ST3GAL6: variants seen among roughly 807,000 people sequenced by gnomAD.
ST3GAL6 encodes the protein type 2 lactosamine alpha-2,3-sialyltransferase.
Under a neutral mutation model 40.5 loss-of-function variants are expected in ST3GAL6, and 31 were observed. That is an observed-to-expected ratio of 0.77 (90% CI 0.58 to 1.03). The LOEUF (loss-of-function observed/expected upper bound fraction) is 1.03. ST3GAL6 is among the 50% of genes least tolerant of loss of function. ST3GAL6 has a pLI of 0.00. For synonymous variants in ST3GAL6, 129 were observed against 136.9 expected, an observed-to-expected ratio of 0.94 and a Z score of 0.40; for missense variants, 357 against 393.2, an observed-to-expected ratio of 0.91 and a Z score of 0.78.
intron 5 of ST3GAL6, chr3:98,783,394 C>A: frequency 4.7e-6 from 1 of 210,742 alleles, no homozygotes; most frequent in Non-Finnish European, 8.2e-6. Flanking sequence ...TGGTGCCCGC[C>A]CACTTTTACA....
chr3:98,742,042 A>G (rs1008083935), intron 1 of ST3GAL6, among the ~76,000 whole-genome samples: 1 of 152,206 alleles, frequency 6.6e-6, no homozygotes, highest in Non-Finnish European at 1.5e-5. Context: ...TATTTTACAC[A>G]GTAGAAAGCC....
intron 6 of ST3GAL6, among the ~76,000 whole-genome samples, chr3:98,785,975 G>T (rs1940664349): frequency 6.6e-6 from 1 of 152,088 alleles, no homozygotes; most frequent in African/African-American, 2.4e-5. Context: ...AGAAATCAAG[G>T]ATGCCTCCTA....
chr3:98,739,384 CAAACAAAA>C (rs957109296), intron 1 of ST3GAL6, among the ~76,000 whole-genome samples: 4 of 146,764 alleles, frequency 2.7e-5, no homozygotes, highest in African/African-American at 1.0e-4. Context: ...AGAAAACAAA[CAAACAAAA>C]AAAAAACCCC....
At chr3:98,746,367 C>A (rs1221646073) in intron 1 of ST3GAL6, among the ~76,000 whole-genome samples, 1 of 151,974 alleles carries the variant, frequency 6.6e-6, no homozygotes, top group Non-Finnish European at 1.5e-5. Context: ...TTGTAACCCT[C>A]AGTGTACTGG....
At chr3:98,785,134 G>T in intron 6 of ST3GAL6, 94 bp downstream of exon 6, 3 of 842,640 alleles carry the variant, frequency 3.6e-6, no homozygotes, top group Middle Eastern at 3.5e-4. Context: ...AAGGGGAGAT[G>T]TTTCCATTTG....
intron 1 of ST3GAL6, among the ~76,000 whole-genome samples, chr3:98,734,813 A>T (rs1011935215): frequency 6.6e-6 from 1 of 152,204 alleles, no homozygotes; most frequent in Non-Finnish European, 1.5e-5. Context: ...GTTCTCATTC[A>T]GTGGCAGACG....
intron 1 of ST3GAL6, among the ~76,000 whole-genome samples, chr3:98,736,286 G>A (rs1180603885): frequency 1.3e-5 from 2 of 152,152 alleles, no homozygotes; most frequent in Non-Finnish European, 2.9e-5. Context: ...CTTCTTATAT[G>A]CTTAGCCTAA....
At chr3:98,770,085 G>A (rs1938805757) in intron 2 of ST3GAL6, among the ~76,000 whole-genome samples, 1 of 152,178 alleles carries the variant, frequency 6.6e-6, no homozygotes, top group Non-Finnish European at 1.5e-5. Context: ...TCCATGAAGG[G>A]TTTAGGGTAT....
At chr3:98,748,697 C>G (rs1457045745) in intron 1 of ST3GAL6, among the ~76,000 whole-genome samples, 6 of 152,174 alleles carry the variant, frequency 3.9e-5, no homozygotes, top group Non-Finnish European at 7.3e-5. Flanking sequence ...AACTCCTGAC[C>G]TCAGGTGATC....
chr3:98,744,378 G>C (rs1044241299), intron 1 of ST3GAL6, among the ~76,000 whole-genome samples: 14 of 152,118 alleles, frequency 9.2e-5, no homozygotes, highest in Non-Finnish European at 2.1e-4. Context: ...GAGTACACTT[G>C]GTTCTTGGTC....
chr3:98,738,757 G>A (rs1249486295), intron 1 of ST3GAL6, among the ~76,000 whole-genome samples: 1 of 152,182 alleles, frequency 6.6e-6, no homozygotes. Flanking sequence ...CACAATAACA[G>A]TGGGAGACTT....
At chr3:98,748,792 C>T (rs1936760306) in intron 1 of ST3GAL6, among the ~76,000 whole-genome samples, 3 of 152,160 alleles carry the variant, frequency 2.0e-5, no homozygotes, top group Admixed American at 2.0e-4. Flanking sequence ...TCATCACTGC[C>T]CCTGCTATCT....
chr3:98,771,382 A>G (rs1455020988), intron 3 of ST3GAL6, among the ~76,000 whole-genome samples: 1 of 152,168 alleles, frequency 6.6e-6, no homozygotes, highest in Admixed American at 6.5e-5. Context: ...AACTACATAG[A>G]ATGCAAATAA....
At chr3:98,746,973 C>G (rs1936608275) in intron 1 of ST3GAL6, among the ~76,000 whole-genome samples, 1 of 152,188 alleles carries the variant, frequency 6.6e-6, no homozygotes, top group Non-Finnish European at 1.5e-5. Context: ...CACTTCAAGA[C>G]TAAAGACCAG....
At chr3:98,758,525 A>G (rs2107379199), upstream of ST3GAL6, among the ~76,000 whole-genome samples, 1 of 152,374 alleles carries the variant, frequency 6.6e-6, no homozygotes, top group South Asian at 2.1e-4. Flanking sequence ...AGCCAGAAAT[A>G]GGGTCTAATT....
At chr3:98,764,283 C>T (rs563386994) in intron 1 of ST3GAL6, among the ~76,000 whole-genome samples, 9 of 152,032 alleles carry the variant, frequency 5.9e-5, no homozygotes, top group African/African-American at 1.9e-4. Context: ...AAGCAAGCTC[C>T]CTTTGGTTTG....
intron 6 of ST3GAL6, among the ~76,000 whole-genome samples, chr3:98,785,945 G>T (rs1406089512): frequency 6.6e-6 from 1 of 152,162 alleles, no homozygotes; most frequent in Non-Finnish European, 1.5e-5. Context: ...CGTATTAGAT[G>T]TGAAGAGTAA....
chr3:98,767,165 A>G (rs917346252), intron 1 of ST3GAL6, among the ~76,000 whole-genome samples: 4 of 152,204 alleles, frequency 2.6e-5, no homozygotes, highest in African/African-American at 9.6e-5. Context: ...AGGAGTGAAA[A>G]GCAACTCAAC....
In ST3GAL6 at chr3:98,793,923, ATTTAAC is replaced by A. The variant is rs1941410693; in HGVS notation, c.*165_*170del. The A allele has an allele frequency of 7.3e-6, 3 of 408,454 alleles. No individual in the cohort carries two copies. The highest frequency in any genetic ancestry group is 1.3e-5 in the Non-Finnish European group (3 of 231,082). 25.3% of individuals were successfully genotyped at this position (408,454 alleles called of 1,614,324 possible). On this transcript the variant is annotated 3_prime_UTR_variant, in exon 10 of 10. Transcript: ENST00000483910. Reference sequence around the variant, plus strand: ...AGCTTAATTTCTGTGAATACTGTATATTTAACTTATGAAAACCAAGAAATGTAAAGA... The same window carrying A: ...AGCTTAATTTCTGTGAATACTGTATATTATGAAAACCAAGAAATGTAAAGA...
Sources: allele counts gnomAD v4.1 joint callset (sites outside exome capture counted in the v4.1 genomes callset), GRCh38; gene constraint gnomAD v4.1.1; transcripts MANE v1.5; gene names NCBI Gene and HGNC (gene_info 2026-07-23, HGNC 2026-07-21).